Variants in CNTNAP2 observed in about 807,000 individuals in gnomAD.
CNTNAP2 encodes the protein contactin associated protein 2, also known as contactin-associated protein-like 2.
Under a neutral mutation model 155.2 loss-of-function variants are expected in CNTNAP2, and 98 were observed. That is an observed-to-expected ratio of 0.63 (90% CI 0.54 to 0.75). The LOEUF (loss-of-function observed/expected upper bound fraction) is 0.75. CNTNAP2 is among the 30% of genes least tolerant of loss of function. The probability of loss-of-function intolerance (pLI) is 0.00; values close to 1 mark genes in which losing one functional copy is unlikely to be tolerated. For missense variants in CNTNAP2, 1,727 were observed against 1,688.1 expected, an observed-to-expected ratio of 1.02 and a Z score of -0.40; for synonymous variants, 651 against 631.2, an observed-to-expected ratio of 1.03 and a Z score of -0.47.
chr7:146,403,451 G>A (rs781470478), intron 1 of CNTNAP2, among the ~76,000 whole-genome samples: 26 of 151,982 alleles, frequency 1.7e-4, no homozygotes, highest in Admixed American at 1.0e-3. Flanking sequence ...GATTTTGTTC[G>A]TTTGTAATAA....
intron 1 of CNTNAP2, among the ~76,000 whole-genome samples, chr7:146,320,304 G>T (rs1800979085): frequency 6.6e-6 from 1 of 152,050 alleles, no homozygotes; most frequent in Non-Finnish European, 1.5e-5. Context: ...TGGTGTCCTA[G>T]AGTGGCTGTT....
intron 8 of CNTNAP2, among the ~76,000 whole-genome samples, chr7:147,263,596 C>A (rs1404320550): frequency 6.6e-6 from 1 of 152,138 alleles, no homozygotes; most frequent in Non-Finnish European, 1.5e-5. Flanking sequence ...GATAATTTGA[C>A]TTATACATAA....
chr7:147,760,289 C>A (rs1450115057), intron 13 of CNTNAP2, among the ~76,000 whole-genome samples: 1 of 151,842 alleles, frequency 6.6e-6, no homozygotes, highest in African/African-American at 2.4e-5. Flanking sequence ...GTTTTCCCCT[C>A]GTCTTTGTGA....
At chr7:147,646,723 G>T (rs1366118063) in intron 13 of CNTNAP2, among the ~76,000 whole-genome samples, 1 of 152,070 alleles carries the variant, frequency 6.6e-6, no homozygotes, top group African/African-American at 2.4e-5. Context: ...AAATACTCCT[G>T]CAAGGAAGTA....
intron 11 of CNTNAP2, among the ~76,000 whole-genome samples, chr7:147,544,938 C>T (rs1799704763): frequency 6.6e-6 from 1 of 152,040 alleles, no homozygotes; most frequent in South Asian, 2.1e-4. Flanking sequence ...AACTGTGAGT[C>T]CATTAAACCT....
chr7:146,385,295 C>A (rs1795444886), intron 1 of CNTNAP2, among the ~76,000 whole-genome samples: 1 of 152,116 alleles, frequency 6.6e-6, no homozygotes, highest in African/African-American at 2.4e-5. Context: ...AAAGTTAATT[C>A]CCTACAGTAT....
Position 147,936,304 on chromosome 7 carries a change from T to TA in CNTNAP2, c.2255+32583_2255+32584insA, listed in dbSNP as rs948758553. Among the ~76,000 whole-genome samples the TA allele has an allele frequency of 1.3e-3, 194 of 150,974 alleles. 1 individual carries two copies. Among genetic ancestry groups the TA allele is most frequent in the Non-Finnish European group, 1.7e-3 (112 of 67,714 alleles). ...ACTGTACACGACATTTATTTTATTTTTTTTTTTTTGCACTCACTTATTTTG... is the reference window on the plus strand; with the variant it reads ...ACTGTACACGACATTTATTTTATTTTATTTTTTTTTGCACTCACTTATTTTG... On this transcript the variant is annotated intron_variant, in intron 14 of 23. Transcript: ENST00000361727.
At chr7:147,380,781 G>C (rs1014739849) in intron 9 of CNTNAP2, among the ~76,000 whole-genome samples, 1 of 152,112 alleles carries the variant, frequency 6.6e-6, no homozygotes, top group African/African-American at 2.4e-5. Flanking sequence ...AACTGTGTTT[G>C]ATTTCCTACT....
intron 8 of CNTNAP2, among the ~76,000 whole-genome samples, chr7:147,267,680 G>A (rs1804645341): frequency 6.6e-6 from 1 of 151,818 alleles, no homozygotes; most frequent in Non-Finnish European, 1.5e-5. Context: ...ATAGAATTGG[G>A]ATTCACTTGT....
intron 8 of CNTNAP2, among the ~76,000 whole-genome samples, chr7:147,265,282 C>A: frequency 6.6e-6 from 1 of 152,210 alleles, no homozygotes; most frequent in East Asian, 1.9e-4. Context: ...GGGCAGCAGC[C>A]ATCACTGTAG....
chr7:147,632,118 C>G (rs1795096479), intron 12 of CNTNAP2, among the ~76,000 whole-genome samples: 1 of 152,092 alleles, frequency 6.6e-6, no homozygotes, highest in South Asian at 2.1e-4. Context: ...ACAAGAAACT[C>G]AAACAAATCA....
chr7:146,483,204 A>C (rs1796991729), intron 1 of CNTNAP2, among the ~76,000 whole-genome samples: 1 of 147,202 alleles, frequency 6.8e-6, no homozygotes, highest in African/African-American at 2.5e-5. Context: ...TGAACCTGGG[A>C]GGCGGAACTT....
At chr7:147,913,351 G>T (rs563397951) in intron 14 of CNTNAP2, among the ~76,000 whole-genome samples, 1 of 152,160 alleles carries the variant, frequency 6.6e-6, no homozygotes, top group Non-Finnish European at 1.5e-5. Context: ...TGCCAGGCAT[G>T]TCCACAGATG....
rs186219797 is a variant in CNTNAP2, at chr7:148,125,794, C to T, written c.2554+7506C>T. 2.8e-3 allele frequency among the ~76,000 whole-genome samples: 432 copies of T among 151,592 alleles called. 1 individual carries two copies. The highest frequency in any genetic ancestry group is 5.4e-3 in the Admixed American group (82 of 15,206). On this transcript the variant is annotated intron_variant, in intron 16 of 23. Coordinates refer to ENST00000361727, the MANE Select transcript of CNTNAP2 (RefSeq NM_014141.6). ...TTGGCTCACTGCAACCTCTGCCTCCCGGGTTCAAGTGATTCTCCTGCCTCA... is the reference window on the plus strand; with the variant it reads ...TTGGCTCACTGCAACCTCTGCCTCCTGGGTTCAAGTGATTCTCCTGCCTCA...
At chr7:146,123,975 G>T (rs976506753) in intron 1 of CNTNAP2, among the ~76,000 whole-genome samples, 2 of 152,036 alleles carry the variant, frequency 1.3e-5, no homozygotes, top group South Asian at 4.1e-4. Context: ...GGAAACCATC[G>T]TTGTCAGCAA....
intron 10 of CNTNAP2, among the ~76,000 whole-genome samples, chr7:147,451,125 C>T (rs532713020): frequency 4.6e-5 from 7 of 152,136 alleles, no homozygotes; most frequent in South Asian, 2.1e-4. Context: ...AGTCAATATA[C>T]GGGTCCTTTG....
rs112153733 is a variant in CNTNAP2 at position 147,494,492 on chromosome 7, T to C, written c.1777+8451T>C. Among the ~76,000 whole-genome samples the C allele has an allele frequency of 5.4e-3, 642 of 119,090 alleles. 6 individuals are homozygous for C. The highest frequency in any genetic ancestry group is 0.019 in the African/African-American group (600 of 31,470). 78.1% of individuals were successfully genotyped at this position (119,090 alleles called of 152,430 possible). ...GCAAAAAAAAAAAAAAAAAAGTTGA[T>C]CTGCAAATGCATATTGAAAAGCAGT... On this transcript the variant is annotated intron_variant, in intron 11 of 23. Coordinates refer to ENST00000361727, the MANE Select transcript of CNTNAP2 (RefSeq NM_014141.6).
chr7:147,226,176 C>T (rs1252716331), intron 8 of CNTNAP2, among the ~76,000 whole-genome samples: 3 of 152,030 alleles, frequency 2.0e-5, no homozygotes, highest in Non-Finnish European at 4.4e-5. Context: ...TGTCATTATC[C>T]CTTCTTTGCA....
At chr7:146,144,943 CA>C (rs1412141023) in intron 1 of CNTNAP2, among the ~76,000 whole-genome samples, 1 of 152,082 alleles carries the variant, frequency 6.6e-6, no homozygotes, top group African/African-American at 2.4e-5. Flanking sequence ...AAGAAAGTCC[CA>C]GATGACTTTT....
Sources: gnomAD v4.1 joint callset for allele counts (sites outside exome capture counted in the v4.1 genomes callset) on GRCh38, gnomAD v4.1.1 for gene constraint, MANE v1.5 for transcripts, NCBI Gene and HGNC (gene_info 2026-07-23, HGNC 2026-07-21) for gene names.